AGPS: variants seen among roughly 807,000 people sequenced by gnomAD.
AGPS encodes alkyldihydroxyacetonephosphate synthase, peroxisomal.
Under a neutral mutation model 90.7 loss-of-function variants are expected in AGPS, and 26 were observed. The ratio of observed to expected loss-of-function variants is 0.29; its 90% confidence interval spans 0.21 to 0.40. The LOEUF (loss-of-function observed/expected upper bound fraction) is 0.40. Among genes scored for constraint, AGPS ranks in the 10% least tolerant of loss-of-function variants. AGPS has a pLI of 1.00. For missense variants in AGPS, 540 were observed against 816.1 expected (o/e 0.66, Z 4.12); for synonymous variants, 294 against 285.3 (o/e 1.03, Z -0.31).
intron 19 of AGPS, among the ~76,000 whole-genome samples, chr2:177,534,618 C>T (rs988839068): frequency 7.3e-6 from 1 of 137,450 alleles, no homozygotes; most frequent in Non-Finnish European, 1.5e-5. Flanking sequence ...TATGGAGTCT[C>T]GCTCTGTCAC....
chr2:177,464,696 A>AAG (rs1687397441), intron 9 of AGPS, among the ~76,000 whole-genome samples: 1 of 152,250 alleles, frequency 6.6e-6, no homozygotes, highest in African/African-American at 2.4e-5. Context: ...TCCTGAGCAT[A>AAG]TCTGATTACA....
At chr2:177,397,733 A>G (rs911948829) in intron 1 of AGPS, among the ~76,000 whole-genome samples, 1 of 152,212 alleles carries the variant, frequency 6.6e-6, no homozygotes, top group Admixed American at 6.5e-5. Flanking sequence ...TTTAATAAAA[A>G]GCAGTATATT....
chr2:177,457,157 A>G (rs1687143023), intron 8 of AGPS, among the ~76,000 whole-genome samples: 1 of 152,266 alleles, frequency 6.6e-6, no homozygotes, highest in African/African-American at 2.4e-5. Context: ...GAACGAAGAC[A>G]CAATGTACCA....
chr2:177,484,436 C>T (rs755366741), intron 11 of AGPS, among the ~76,000 whole-genome samples: 8 of 151,828 alleles, frequency 5.3e-5, no homozygotes, highest in Non-Finnish European at 7.4e-5. Flanking sequence ...CTCTGACTCC[C>T]GGATTCAAGC....
intron 7 of AGPS, among the ~76,000 whole-genome samples, chr2:177,445,324 A>G (rs994085879): frequency 5.3e-5 from 8 of 152,252 alleles, no homozygotes; most frequent in Non-Finnish European, 8.8e-5. Context: ...GACAGAGTCT[A>G]TGTTTTAAGC....
chr2:177,426,900 G>A (rs1374446836), intron 2 of AGPS, among the ~76,000 whole-genome samples: 2 of 152,234 alleles, frequency 1.3e-5, no homozygotes, highest in Middle Eastern at 3.4e-3. Context: ...GAGTTAGGTA[G>A]CAGTCCCTCC....
chr2:177,489,350 C>T (rs1688186169), intron 11 of AGPS, among the ~76,000 whole-genome samples: 1 of 151,952 alleles, frequency 6.6e-6, no homozygotes, highest in African/African-American at 2.4e-5. Flanking sequence ...TCCCAAAGTG[C>T]TGGGATTACA....
At position 177,392,987 on chromosome 2, in the gene AGPS, G is replaced by A. The variant is rs1428040195; in HGVS notation, c.198G>A (p.Ala66=). The A allele has an allele frequency of 6.5e-7, 1 of 1,549,938 alleles. No homozygotes were observed. Among genetic ancestry groups the A allele is most frequent in the African/African-American group, 1.4e-5 (1 of 73,036 alleles). Residue 66 remains alanine, a synonymous_variant, in exon 1 of 20, where the codon GCG becomes GCA. Coordinates refer to ENST00000264167, the MANE Select transcript of AGPS (RefSeq NM_003659.4). The part of the protein sequence containing the change: ...NECKARRAAS[A]ATAAPTATPA... ...GCAAAGCGCGGAGAGCCGCGTCGGCGGCCACGGCAGCGCCCACGGCCACTC... is the reference window on the plus strand; with the variant it reads ...GCAAAGCGCGGAGAGCCGCGTCGGCAGCCACGGCAGCGCCCACGGCCACTC...
intron 9 of AGPS, among the ~76,000 whole-genome samples, chr2:177,462,680 A>G (rs1445061416): frequency 6.6e-6 from 1 of 152,158 alleles, no homozygotes; most frequent in Non-Finnish European, 1.5e-5. Context: ...AAAAAATAAC[A>G]ATACCACAAG....
In AGPS at chr2:177,440,795, A is replaced by G. The variant is rs571305595; in HGVS notation, c.638-170A>G. ...TTTTTGTAAGTCAAATTATTTCAAA[A>G]TGAAAAGTTAAAAAGGTAAAGTGTT... is the stretch of plus-strand genomic sequence containing the variant. On this transcript the variant is annotated intron_variant, in intron 5 of 19. Coordinates refer to ENST00000264167, the MANE Select transcript of AGPS (RefSeq NM_003659.4). 3.7e-4 allele frequency among the ~76,000 whole-genome samples: 57 copies of G among 152,292 alleles called. 3 individuals are homozygous for G. The South Asian group carries it at 0.012, about 32-fold the overall frequency.
intron 1 of AGPS, among the ~76,000 whole-genome samples, chr2:177,415,365 G>C (rs1418422130): frequency 2.0e-5 from 3 of 152,270 alleles, no homozygotes; most frequent in South Asian, 2.1e-4. Flanking sequence ...CTTACTACAT[G>C]ATTGCTCTGT....
chr2:177,526,452 A>G, intron 19 of AGPS, among the ~76,000 whole-genome samples: 1 of 151,830 alleles, frequency 6.6e-6, no homozygotes, highest in East Asian at 1.9e-4. Flanking sequence ...CTGGTCTCGA[A>G]CTCCTGATCT....
At chr2:177,462,220 C>G (rs1016425717) in intron 9 of AGPS, among the ~76,000 whole-genome samples, 6 of 151,492 alleles carry the variant, frequency 4.0e-5, no homozygotes, top group Non-Finnish European at 5.9e-5. Flanking sequence ...GAAACCCCGT[C>G]TCTACTAAAA....
At chr2:177,497,354 G>T (rs1225539878) in intron 12 of AGPS, among the ~76,000 whole-genome samples, 1 of 151,334 alleles carries the variant, frequency 6.6e-6, no homozygotes, top group Admixed American at 6.6e-5. Flanking sequence ...AAAAATTAAT[G>T]AAGTAATTTT....
chr2:177,525,230 A>C (rs1236127698), intron 19 of AGPS, among the ~76,000 whole-genome samples: 2 of 152,216 alleles, frequency 1.3e-5, no homozygotes, highest in Non-Finnish European at 2.9e-5. Context: ...AAAGATACTT[A>C]GATTTTAGCA....
In AGPS at chr2:177,486,703, A is replaced by T. The variant is rs575525985; in HGVS notation, c.1233+4517A>T. On this transcript the variant is annotated intron_variant, in intron 11 of 19. Transcript: ENST00000264167. Reference sequence around the variant, plus strand: ...TATCTTTTGGGAAAGAACATACATGACTGTTCACAAATAGCAAAGTGGGCT... The same window carrying T: ...TATCTTTTGGGAAAGAACATACATGTCTGTTCACAAATAGCAAAGTGGGCT... 4.9e-4 allele frequency among the ~76,000 whole-genome samples: 73 copies of T among 147,612 alleles called. 1 individual carries two copies. Among genetic ancestry groups the T allele is most frequent in the African/African-American group, 1.7e-3 (70 of 40,840 alleles).
intron 1 of AGPS, among the ~76,000 whole-genome samples, chr2:177,415,440 T>C (rs1224637275): frequency 6.6e-6 from 1 of 152,200 alleles, no homozygotes; most frequent in Non-Finnish European, 1.5e-5. Flanking sequence ...ACTTTCTGTG[T>C]TCTCAAATCT....
At chr2:177,465,904 C>T (rs1687432458) in intron 9 of AGPS, among the ~76,000 whole-genome samples, 1 of 152,258 alleles carries the variant, frequency 6.6e-6, no homozygotes, top group African/African-American at 2.4e-5. Context: ...GTGTTACAGC[C>T]CTTTCAGCTC....
chr2:177,445,462 T>C, intron 7 of AGPS, 84 bp from the exon 8 acceptor site: 4 of 1,199,536 alleles, frequency 3.3e-6, no homozygotes, highest in Non-Finnish European at 4.9e-6. Context: ...TCTTACCACT[T>C]GTTGCTTTGA....
Sources: gnomAD v4.1 joint callset for allele counts (sites outside exome capture counted in the v4.1 genomes callset) on GRCh38, gnomAD v4.1.1 for gene constraint, MANE v1.5 for transcripts, NCBI Gene and HGNC (gene_info 2026-07-23, HGNC 2026-07-21) for gene names.